Variants in PARD3 observed in about 807,000 individuals in gnomAD.
PARD3 encodes partitioning defective 3 homolog.
A neutral mutation model predicts 155.4 loss-of-function variants in PARD3; 75 were observed. The observed-to-expected ratio is 0.48, with a 90% confidence interval of 0.40 to 0.58. The LOEUF is 0.58. Ranked by LOEUF, PARD3 falls within the 20% of genes least tolerant of loss-of-function variation. The pLI, the probability that PARD3 is intolerant of heterozygous loss-of-function variation, is 0.00. For synonymous variants in PARD3, 576 were observed against 610.5 expected, an observed-to-expected ratio of 0.94 and a Z score of 0.83; for missense variants, 1,642 against 1,721.7, an observed-to-expected ratio of 0.95 and a Z score of 0.82.
chr10:34,350,368 G>C (rs1219977967), intron 14 of PARD3, among the ~76,000 whole-genome samples: 1 of 152,130 alleles, frequency 6.6e-6, no homozygotes, highest in Admixed American at 6.5e-5. Context: ...GCTTCGGTTG[G>C]GCACAGTGGC....
rs540373939 is a variant in PARD3 at position 34,116,832 on chromosome 10, G to A, written c.3668+2781C>T. Among the ~76,000 whole-genome samples the A allele has an allele frequency of 1.8e-4, 27 of 152,320 alleles. No homozygotes were observed. In the South Asian group the frequency reaches 2.1e-3, roughly 12 times the overall value. On this transcript the variant is annotated intron_variant, in intron 24 of 24. Transcript: ENST00000374788. ...ATTTAGGGCACCACTAAATAACAGCGGAGGCACTAGCGGTAGCGGCTGCAA... is the reference window on the plus strand; with the variant it reads ...ATTTAGGGCACCACTAAATAACAGCAGAGGCACTAGCGGTAGCGGCTGCAA...
intron 3 of PARD3, among the ~76,000 whole-genome samples, chr10:34,516,316 C>T (rs530115435): frequency 1.4e-4 from 22 of 152,294 alleles, no homozygotes; most frequent in African/African-American, 5.1e-4. Context: ...CTCTTAACAA[C>T]TGCTCAATTA....
intron 2 of PARD3, among the ~76,000 whole-genome samples, chr10:34,531,154 A>G (rs945996738): frequency 1.3e-5 from 2 of 152,174 alleles, no homozygotes; most frequent in African/African-American, 4.8e-5. Context: ...GAGTTAGCCT[A>G]TCTCTTCTGG....
At chr10:34,705,490 G>GAA (rs10635063) in intron 1 of PARD3, among the ~76,000 whole-genome samples, 4,219 of 140,326 alleles carry the variant, frequency 0.03, 196 homozygotes, top group African/African-American at 0.1. Context: ...CCTGTCTCAG[G>GAA]AAAAAAAAAA....
chr10:34,431,494 C>A (rs978088439), intron 5 of PARD3, among the ~76,000 whole-genome samples: 14 of 152,166 alleles, frequency 9.2e-5, no homozygotes, highest in Admixed American at 7.2e-4. Context: ...GTAATCCCAG[C>A]ACTTTGGGAG....
chr10:34,699,581 T>C (rs2094236405), intron 1 of PARD3, among the ~76,000 whole-genome samples: 1 of 152,224 alleles, frequency 6.6e-6, no homozygotes, highest in African/African-American at 2.4e-5. Context: ...GATTCCACTT[T>C]GTAGTAGTTT....
At position 34,495,875 on chromosome 10, in the gene PARD3, G is replaced by A. The variant is rs189882523; in HGVS notation, c.403+21104C>T. On this transcript the variant is annotated intron_variant, in intron 3 of 24. Transcript: ENST00000374788. ...CAGTAAACATGAACCGTGAGGATGT[G>A]GCCCCAGAAAACCAACTTATTTTTT... 8.5e-3 allele frequency among the ~76,000 whole-genome samples: 1,294 copies of A among 151,412 alleles called. 19 individuals carry two copies. Among genetic ancestry groups the A allele is most frequent in the African/African-American group, 0.03 (1,227 of 41,384 alleles).
At chr10:34,464,564 C>A (rs1471822801) in intron 4 of PARD3, among the ~76,000 whole-genome samples, 2 of 152,092 alleles carry the variant, frequency 1.3e-5, no homozygotes, top group Non-Finnish European at 2.9e-5. Flanking sequence ...TAAGGACATT[C>A]TCTGAAGGGT....
rs2081816624 is a variant in PARD3, at chr10:34,516,999, G to A, written c.383C>T (p.Thr128Ile). 1 of 1,614,050 alleles carries A rather than the reference G, an allele frequency of 6.2e-7. No individual in the cohort carries two copies. The change falls in exon 3 of 25, where the codon ACA (threonine) becomes ATA (isoleucine). Residue 128 changes from threonine to isoleucine, a missense_variant. Coordinates refer to ENST00000374788, the MANE Select transcript of PARD3 (RefSeq NM_001184785.2). ...PYQATSEIEV[T>I]PSVLRANMPL... The stretch of plus-strand genomic sequence containing the variant: ...CTTACTTGCTCGAAGGACTGAAGGT[G>A]TGACCTCAATTTCACTTGTTGCTTG...
chr10:34,436,356 C>A (rs2132601733), intron 5 of PARD3, among the ~76,000 whole-genome samples: 2 of 152,342 alleles, frequency 1.3e-5, no homozygotes, highest in Middle Eastern at 3.4e-3. Context: ...ACTCCATCAA[C>A]AGCCTTCTGC....
chr10:34,264,614 G>A (rs1955201695), intron 22 of PARD3, among the ~76,000 whole-genome samples: 1 of 152,096 alleles, frequency 6.6e-6, no homozygotes, highest in Admixed American at 6.5e-5. Flanking sequence ...GAAAAGACTA[G>A]CTTTATAGGA....
At chr10:34,356,236 G>A (rs919764230) in intron 14 of PARD3, among the ~76,000 whole-genome samples, 1 of 152,122 alleles carries the variant, frequency 6.6e-6, no homozygotes, top group African/African-American at 2.4e-5. Context: ...CCTAGTGAAG[G>A]GAGCTGACAA....
At chr10:34,489,559 T>C (rs1004961414) in intron 3 of PARD3, among the ~76,000 whole-genome samples, 2 of 152,206 alleles carry the variant, frequency 1.3e-5, no homozygotes, top group African/African-American at 4.8e-5. Flanking sequence ...ATAAAGCCAT[T>C]TGGCACCAAC....
chr10:34,485,918 GTTTT>G (rs66906403), intron 3 of PARD3, among the ~76,000 whole-genome samples: 1,908 of 95,820 alleles, frequency 0.02, 38 homozygotes, highest in African/African-American at 0.083. Flanking sequence ...AACGTTTTGG[GTTTT>G]TTTTTTTTTT....
chr10:34,199,124 A>AC (rs1951090030), intron 22 of PARD3, among the ~76,000 whole-genome samples: 1 of 152,100 alleles, frequency 6.6e-6, no homozygotes, highest in Non-Finnish European at 1.5e-5. Flanking sequence ...CTCTGGCATC[A>AC]CCCCATGACA....
At chr10:34,281,530 C>T (rs1956158458) in intron 21 of PARD3, among the ~76,000 whole-genome samples, 1 of 152,052 alleles carries the variant, frequency 6.6e-6, no homozygotes, top group African/African-American at 2.4e-5. Context: ...TCCATTTCTC[C>T]CATATGGATG....
chr10:34,224,390 C>T (rs904569249), intron 22 of PARD3, among the ~76,000 whole-genome samples: 3 of 152,210 alleles, frequency 2.0e-5, no homozygotes, highest in African/African-American at 7.2e-5. Flanking sequence ...CTGAAACTCC[C>T]CCTCAGGGGA....
chr10:34,795,572 T>C lies in PARD3; in HGVS notation c.120+19304A>G, dbSNP rs191841206. On this transcript the variant is annotated intron_variant, in intron 1 of 24. Coordinates refer to ENST00000374788, the MANE Select transcript of PARD3 (RefSeq NM_001184785.2). ...GGCTGTAGTGAGCTGACTGCACCACTGTACTCCAGCCTGGGCAACAGAGCA... is the reference window on the plus strand; with the variant it reads ...GGCTGTAGTGAGCTGACTGCACCACCGTACTCCAGCCTGGGCAACAGAGCA... 6.6e-5 allele frequency among the ~76,000 whole-genome samples: 10 copies of C among 152,180 alleles called. No individual in the cohort carries two copies. The East Asian group carries it at 1.9e-3, about 29-fold the overall frequency.
chr10:34,694,111 G>A (rs896420269), intron 2 of PARD3, among the ~76,000 whole-genome samples: 1 of 149,852 alleles, frequency 6.7e-6, no homozygotes, highest in African/African-American at 2.5e-5. Context: ...TTTTTACATA[G>A]GAAGTAACAG....
Sources: gnomAD v4.1 joint callset for allele counts (sites outside exome capture counted in the v4.1 genomes callset) on GRCh38, gnomAD v4.1.1 for gene constraint, MANE v1.5 for transcripts, NCBI Gene and HGNC (gene_info 2026-07-23, HGNC 2026-07-21) for gene names.